The following ASTN2 variants were observed in gnomAD, a reference collection of about 807,000 sequenced individuals.
ASTN2 encodes astrotactin 2, also known as astrotactin-2.
Under a neutral mutation model 139.8 loss-of-function variants are expected in ASTN2, and 54 were observed. The ratio of observed to expected loss-of-function variants is 0.39; its 90% CI spans 0.31 to 0.48. The LOEUF (loss-of-function observed/expected upper bound fraction) is 0.48. ASTN2 is among the 20% of genes least tolerant of loss of function. The probability of loss-of-function intolerance (pLI) is 0.95; values close to 1 mark genes in which losing one functional copy is unlikely to be tolerated. For missense variants in ASTN2, 1,565 were observed against 1,725.1 expected, an observed-to-expected ratio of 0.91 and a Z score of 1.64; for synonymous variants, 756 against 719.5, an observed-to-expected ratio of 1.05 and a Z score of -0.81.
chr9:116,936,568 T>C (rs945314170), intron 10 of ASTN2, among the ~76,000 whole-genome samples: 1 of 152,216 alleles, frequency 6.6e-6, no homozygotes, highest in Non-Finnish European at 1.5e-5. Flanking sequence ...TTGGACACTT[T>C]ATTAGATTGC....
At chr9:116,797,227 T>C (rs937858511) in intron 13 of ASTN2, among the ~76,000 whole-genome samples, 17 of 152,294 alleles carry the variant, frequency 1.1e-4, no homozygotes, top group African/African-American at 4.1e-4. Context: ...ACTAATCAAG[T>C]TGTGCACATT....
chr9:117,042,060 G>A (rs993167786), intron 5 of ASTN2, among the ~76,000 whole-genome samples: 3 of 152,122 alleles, frequency 2.0e-5, no homozygotes, highest in Non-Finnish European at 4.4e-5. Context: ...GCTCATTGCA[G>A]AATCTCAGTA....
chr9:116,562,696 A>G (rs1852976462), intron 19 of ASTN2, among the ~76,000 whole-genome samples: 1 of 145,326 alleles, frequency 6.9e-6, no homozygotes, highest in South Asian at 2.2e-4. Flanking sequence ...ATGCCATTGC[A>G]CTGCAGCCTG....
At chr9:116,969,019 T>G (rs766363497) in intron 10 of ASTN2, among the ~76,000 whole-genome samples, 1 of 152,186 alleles carries the variant, frequency 6.6e-6, no homozygotes, top group Non-Finnish European at 1.5e-5. Context: ...ATTTGCTACC[T>G]GTCCTGCTTT....
chr9:117,142,651 A>G (rs886139563), intron 3 of ASTN2, among the ~76,000 whole-genome samples: 7 of 152,352 alleles, frequency 4.6e-5, no homozygotes, highest in East Asian at 3.9e-4. Context: ...GTACATGGAG[A>G]AAGTAAGGTC....
intron 19 of ASTN2, among the ~76,000 whole-genome samples, chr9:116,613,854 T>A (rs1457781283): frequency 1.3e-5 from 2 of 152,130 alleles, no homozygotes; most frequent in African/African-American, 2.4e-5. Context: ...CTATTCAACA[T>A]AGTGTTGGAA....
At chr9:116,652,602 T>TA (rs2131931591) in intron 16 of ASTN2, among the ~76,000 whole-genome samples, 1 of 152,204 alleles carries the variant, frequency 6.6e-6, no homozygotes, top group Non-Finnish European at 1.5e-5. Context: ...TGCTTGAAAA[T>TA]ACCTCTGCAA....
intron 1 of ASTN2, among the ~76,000 whole-genome samples, chr9:117,298,755 G>GTC (rs1834804561): frequency 6.8e-6 from 1 of 147,312 alleles, no homozygotes; most frequent in Non-Finnish European, 1.5e-5. Flanking sequence ...TCTTAAAATA[G>GTC]TCTATACAGC....
intron 5 of ASTN2, among the ~76,000 whole-genome samples, chr9:117,094,455 C>T (rs938317927): frequency 6.6e-6 from 1 of 152,120 alleles, no homozygotes. Flanking sequence ...CTTCCCCAGC[C>T]CTAATTCTGA....
intron 6 of ASTN2, among the ~76,000 whole-genome samples, chr9:117,022,649 G>C (rs776726532): frequency 1.3e-5 from 2 of 152,080 alleles, no homozygotes; most frequent in Non-Finnish European, 1.5e-5. Context: ...CCACTGTCCT[G>C]AAATTTCACC....
At chr9:117,163,163 C>A (rs145363566) in intron 3 of ASTN2, among the ~76,000 whole-genome samples, 1 of 152,042 alleles carries the variant, frequency 6.6e-6, no homozygotes, top group Non-Finnish European at 1.5e-5. Flanking sequence ...AGAAAGCAAG[C>A]AAGTTTCACC....
rs528754901 is a variant in ASTN2, at chr9:117,301,472, A to G, written c.443-9959T>C. Among the ~76,000 whole-genome samples, 12 of 152,352 alleles carry G rather than the reference A, an allele frequency of 7.9e-5. No individual in the cohort carries two copies. The South Asian group carries it at 2.5e-3, about 32-fold the overall frequency. Reference sequence around the variant, plus strand: ...GGAAACCCACATAGGTAAAGTAGATAGTAGAACACCGAGTTTTCAGCTGAG... The same window carrying G: ...GGAAACCCACATAGGTAAAGTAGATGGTAGAACACCGAGTTTTCAGCTGAG... On this transcript the variant is annotated intron_variant, in intron 1 of 22. Transcript: ENST00000313400.
chr9:117,334,062 T>G (rs1257113634), intron 1 of ASTN2, among the ~76,000 whole-genome samples: 1 of 152,218 alleles, frequency 6.6e-6, no homozygotes, highest in Non-Finnish European at 1.5e-5. Context: ...TTTTGGGCTT[T>G]GCAGATCATA....
chr9:116,973,331 C>G (rs1199040145), intron 10 of ASTN2, among the ~76,000 whole-genome samples: 1 of 151,972 alleles, frequency 6.6e-6, no homozygotes, highest in African/African-American at 2.4e-5. Context: ...TATTATTACC[C>G]TCTGTGAGGA....
chr9:116,792,281 G>A (rs964479405), intron 13 of ASTN2, among the ~76,000 whole-genome samples: 13 of 152,168 alleles, frequency 8.5e-5, no homozygotes, highest in South Asian at 2.1e-4. Context: ...TTGTTTCAGC[G>A]CTTAAGAATA....
At chr9:116,664,672 AC>A (rs994800555) in intron 16 of ASTN2, among the ~76,000 whole-genome samples, 2 of 151,694 alleles carry the variant, frequency 1.3e-5, no homozygotes, top group Admixed American at 1.3e-4. Context: ...CAAATTATAT[AC>A]CCACTGAAAA....
rs1420661039 is a variant in ASTN2, at chr9:116,565,383, CTCTCCATA to C, written c.3355+52933_3355+52940del. ...TCTCTCTCTCTCTCTCTCTCTCTCT[CTCTCCATA>C]TATATATATATATATATATATATAT... On this transcript the variant is annotated intron_variant, in intron 19 of 22. Transcript: ENST00000313400. Among the ~76,000 whole-genome samples, 84 of 36,046 alleles carry C rather than the reference CTCTCCATA, an allele frequency of 2.3e-3. 1 individual carries two copies. The highest frequency in any genetic ancestry group is 0.014 in the Middle Eastern group (1 of 74). 23.6% of individuals were successfully genotyped at this position (36,046 alleles called of 152,430 possible). A position where few individuals can be genotyped will look rare whatever the true frequency, so the allele number is the denominator to read the frequency against.
rs140120852 is a variant in ASTN2 at position 116,723,474 on chromosome 9, T to G, written c.2806+2297A>C. Among the ~76,000 whole-genome samples the G allele has an allele frequency of 4.7e-3, 709 of 152,268 alleles. 3 individuals carry two copies. The highest frequency in any genetic ancestry group is 0.016 in the African/African-American group (676 of 41,562). ...CCTCCATCCCACTTCAGCACTGCAC[T>G]ATCTCTCCTCCTCTCACAAGTTCTG... On this transcript the variant is annotated intron_variant, in intron 16 of 22. Transcript: ENST00000313400.
intron 7 of ASTN2, among the ~76,000 whole-genome samples, chr9:116,993,283 C>A (rs1250343576): frequency 6.6e-6 from 1 of 152,154 alleles, no homozygotes; most frequent in Non-Finnish European, 1.5e-5. Flanking sequence ...ATGCAAGGCA[C>A]AATCACCCCT....
Sources: gnomAD v4.1 joint callset for allele counts (sites outside exome capture counted in the v4.1 genomes callset) on GRCh38, gnomAD v4.1.1 for gene constraint, MANE v1.5 for transcripts, NCBI Gene and HGNC (gene_info 2026-07-23, HGNC 2026-07-21) for gene names.